Variants in TRDMT1 observed in about 807,000 individuals in gnomAD.
TRDMT1 encodes tRNA (cytosine(38)-C(5))-methyltransferase.
TRDMT1 carries 49 observed loss-of-function variants against 51.2 expected under a neutral mutation model. That is an observed-to-expected ratio of 0.96 (90% CI 0.76 to 1.21). The LOEUF is 1.21. Ranked by LOEUF, TRDMT1 falls within the 50% of genes most tolerant of loss-of-function variation. The pLI is 0.00. For missense variants in TRDMT1, 534 were observed against 462.3 expected, an observed-to-expected ratio of 1.16 and a Z score of -1.42; for synonymous variants, 187 against 164.6, an observed-to-expected ratio of 1.14 and a Z score of -1.04.
intron 1 of TRDMT1, among the ~76,000 whole-genome samples, chr10:17,188,464 TGGC>T (rs1844232173): frequency 1.5e-3 from 2 of 1,294 alleles, no homozygotes; most frequent in African/African-American, 6.4e-3. Context: ...TGACTGACGC[TGGC>T]GCTGGCTCTG....
chr10:17,174,014 C>T (rs548979498), intron 2 of TRDMT1, among the ~76,000 whole-genome samples: 7 of 152,226 alleles, frequency 4.6e-5, no homozygotes, highest in Admixed American at 1.3e-4. Context: ...CCACCTGTCT[C>T]GGCCTCCCAA....
chr10:17,201,230 A>C, intron 1 of TRDMT1: 7 of 218,900 alleles, frequency 3.2e-5, no homozygotes, highest in South Asian at 1.0e-4. Context: ...CGGTGGCTGC[A>C]CACTTAGAAT....
rs907179584 is a variant in TRDMT1, at chr10:17,145,625, C to A, written c.*3415G>T. The A allele has an allele frequency of 1.6e-5, 16 of 985,274 alleles. No individual in the cohort carries two copies. The South Asian group carries it at 7.0e-4, about 43-fold the overall frequency. 61.0% of individuals were successfully genotyped at this position (985,274 alleles called of 1,614,324 possible). On this transcript the variant is annotated 3_prime_UTR_variant, in exon 11 of 11. Transcript: ENST00000377799. ...CCAAATTATGACAAGGTAACCTGTT[C>A]ATAACATAAGCAATTCAGGAAAACC... is the stretch of plus-strand genomic sequence containing the variant.
At chr10:17,182,957 T>C (rs1002570647) in intron 1 of TRDMT1, among the ~76,000 whole-genome samples, 21 of 152,190 alleles carry the variant, frequency 1.4e-4, no homozygotes, top group Non-Finnish European at 2.9e-5. Context: ...ATTGGATAAA[T>C]GAACACTGTC....
intron 1 of TRDMT1, among the ~76,000 whole-genome samples, chr10:17,189,000 G>A (rs3824632): frequency 0.4 from 60,971 of 151,982 alleles, 14,853 homozygotes; most frequent in South Asian, 0.57. Flanking sequence ...ACCTCAATAA[G>A]CATCTAGAAA....
intron 2 of TRDMT1, among the ~76,000 whole-genome samples, chr10:17,173,046 A>C (rs960010570): frequency 6.6e-6 from 1 of 152,188 alleles, no homozygotes; most frequent in African/African-American, 2.4e-5. Context: ...ATTATGACTA[A>C]TTGTCTTTAA....
intron 9 of TRDMT1, among the ~76,000 whole-genome samples, chr10:17,154,239 C>A (rs891423551): frequency 2.0e-5 from 3 of 152,112 alleles, no homozygotes; most frequent in Non-Finnish European, 4.4e-5. Context: ...TTGTATTCAA[C>A]CATGACACCA....
At chr10:17,169,239 A>C in intron 2 of TRDMT1, 1 of 849,506 alleles carries the variant, frequency 1.2e-6, no homozygotes, top group Non-Finnish European at 1.6e-6. Flanking sequence ...CTAGAGTAAA[A>C]CGTGGAGAAC....
chr10:17,149,009 C>A lies in TRDMT1; in HGVS notation c.*31G>T. 1 of 1,567,404 alleles carries A rather than the reference C, an allele frequency of 6.4e-7. No individual in the cohort carries two copies. The highest frequency in any genetic ancestry group is 1.2e-5 in the South Asian group (1 of 84,516). On this transcript the variant is annotated 3_prime_UTR_variant, in exon 11 of 11. Transcript: ENST00000377799. ...TTACTCTCTGAAAATGAAGGAATAT[C>A]ATATGACCATCTTTCAGAGTTATTT...
Position 17,162,190 on chromosome 10 carries a change from A to G in TRDMT1, c.299T>C (p.Leu100Ser). ...CCTTGGGAGAATATCTAGAATATGT[A>G]AGAAGCTATTCGTCCTTGAATCAGT... ...DMTDSRTNSFLHILDILPRLQ... is the reference protein window; with the variant it reads ...DMTDSRTNSFSHILDILPRLQ... The change falls in exon 4 of 11, where the codon TTA becomes TCA. Residue 100 changes from leucine to serine, a missense_variant. Coordinates refer to ENST00000377799, the MANE Select transcript of TRDMT1 (RefSeq NM_004412.7). The G allele has an allele frequency of 6.2e-7, 1 of 1,610,690 alleles. No individual in the cohort carries two copies. Among genetic ancestry groups the G allele is most frequent in the Non-Finnish European group, 8.5e-7 (1 of 1,178,156 alleles).
intron 3 of TRDMT1, among the ~76,000 whole-genome samples, chr10:17,164,910 G>A (rs574400409): frequency 1.3e-5 from 2 of 152,128 alleles, no homozygotes; most frequent in Non-Finnish European, 2.9e-5. Context: ...CTCAGGGATA[G>A]GAAGAATCAA....
intron 3 of TRDMT1, among the ~76,000 whole-genome samples, chr10:17,166,248 T>A (rs1406771323): frequency 6.6e-6 from 1 of 151,716 alleles, no homozygotes; most frequent in Non-Finnish European, 1.5e-5. Context: ...GAAACCATCA[T>A]TCTCAGCAAA....
intron 1 of TRDMT1, among the ~76,000 whole-genome samples, chr10:17,189,295 T>C (rs1844372747): frequency 6.6e-6 from 1 of 152,172 alleles, no homozygotes; most frequent in Non-Finnish European, 1.5e-5. Context: ...GAATTTACAG[T>C]CATGAAGGAA....
Position 17,161,470 on chromosome 10 carries a change from T to C in TRDMT1, c.389+13A>G. 1 of 1,365,324 alleles carries C rather than the reference T, an allele frequency of 7.3e-7. No homozygotes were observed. The highest frequency in any genetic ancestry group is 9.8e-7 in the Non-Finnish European group (1 of 1,016,940). The allele number at this position is 1,365,324 out of a possible 1,614,324, so 84.6% of individuals were successfully genotyped here. A position where few individuals can be genotyped will look rare whatever the true frequency, so the allele number is the denominator to read the frequency against. On this transcript the variant is annotated intron_variant, in intron 5 of 10. Coordinates refer to ENST00000377799, the MANE Select transcript of TRDMT1 (RefSeq NM_004412.7). Reference sequence around the variant, plus strand: ...AAGTCTAAGATGTATGCAAGACAAATACATTTTTTTACCTTGTAGAAGATA... The same window carrying C: ...AAGTCTAAGATGTATGCAAGACAAACACATTTTTTTACCTTGTAGAAGATA...
Position 17,148,305 on chromosome 10 carries a change from A to G in TRDMT1, c.*735T>C. The G allele has an allele frequency of 1.0e-6, 1 of 985,458 alleles. No homozygotes were observed. The allele number at this position is 985,458 out of a possible 1,614,324, so 61.0% of individuals were successfully genotyped here. The stretch of plus-strand genomic sequence containing the variant: ...TACATTCCTCAGCGTGCAAAGGCAA[A>G]TTCAACTCAGAAGCTGAGAAGACAA... On this transcript the variant is annotated 3_prime_UTR_variant, in exon 11 of 11. Coordinates refer to ENST00000377799, the MANE Select transcript of TRDMT1 (RefSeq NM_004412.7).
At chr10:17,179,008 G>A (rs991574181) in intron 1 of TRDMT1, among the ~76,000 whole-genome samples, 1 of 152,096 alleles carries the variant, frequency 6.6e-6, no homozygotes. Flanking sequence ...CAGAGCCAGA[G>A]AAGTGGTGGA....
chr10:17,183,531 C>T (rs1843528089), intron 1 of TRDMT1, among the ~76,000 whole-genome samples: 1 of 152,188 alleles, frequency 6.6e-6, no homozygotes, highest in Non-Finnish European at 1.5e-5. Flanking sequence ...GATTCTTCTG[C>T]TTCAGCTTCC....
chr10:17,152,356 G>C (rs1480465706), intron 10 of TRDMT1, among the ~76,000 whole-genome samples: 3 of 152,280 alleles, frequency 2.0e-5, no homozygotes, highest in Middle Eastern at 3.4e-3. Context: ...ATTACCAAGA[G>C]AGTAGTCAAA....
chr10:17,139,232 G>A lies in TRDMT1; in HGVS notation c.*9808C>T, dbSNP rs1038216723. On this transcript the variant is annotated 3_prime_UTR_variant, in exon 11 of 11. Coordinates refer to ENST00000377799, the MANE Select transcript of TRDMT1 (RefSeq NM_004412.7). Reference sequence around the variant, plus strand: ...AAGGACAAAATGAGTTTTCTACTTGGTGACCCCTAAAATTCCCCAAACAAG... The same window carrying A: ...AAGGACAAAATGAGTTTTCTACTTGATGACCCCTAAAATTCCCCAAACAAG... 4.2e-5 allele frequency: 41 copies of A among 985,254 alleles called. No individual in the cohort carries two copies. The highest frequency in any genetic ancestry group is 4.8e-5 in the Non-Finnish European group (40 of 829,850). 61.0% of individuals were successfully genotyped at this position (985,254 alleles called of 1,614,324 possible).
Sources: allele counts gnomAD v4.1 joint callset (sites outside exome capture counted in the v4.1 genomes callset), GRCh38; gene constraint gnomAD v4.1.1; transcripts MANE v1.5; gene names NCBI Gene and HGNC (gene_info 2026-07-23, HGNC 2026-07-21).